The following OTOGL variants were observed in gnomAD, a reference collection of about 807,000 sequenced individuals.
OTOGL encodes otogelin-like protein.
OTOGL carries 285 observed loss-of-function variants against 318.5 expected under a neutral mutation model. The observed-to-expected ratio is 0.89, with a 90% CI of 0.81 to 0.99. OTOGL has a LOEUF of 0.99. OTOGL is among the 50% of genes least tolerant of loss of function. The probability of loss-of-function intolerance (pLI) is 0.00; values close to 1 mark genes in which losing one functional copy is unlikely to be tolerated. For synonymous variants in OTOGL, 987 were observed against 936.5 expected (o/e 1.05, Z -0.99); for missense variants, 2,899 against 2,845.6 (o/e 1.02, Z -0.43).
At chr12:80,293,103 T>G (rs1240034766) in intron 26 of OTOGL, among the ~76,000 whole-genome samples, 1 of 152,214 alleles carries the variant, frequency 6.6e-6, no homozygotes, top group East Asian at 1.9e-4. Context: ...CTAAAACCTT[T>G]ACTCTTTGGT....
chr12:80,337,568 C>T (rs1888494158), intron 42 of OTOGL, among the ~76,000 whole-genome samples: 1 of 151,696 alleles, frequency 6.6e-6, no homozygotes, highest in Admixed American at 6.6e-5. Context: ...TGAAAGGAGC[C>T]TTTTGGTTTT....
Position 80,375,388 on chromosome 12 carries a change from C to G in OTOGL, c.6782-1735C>G, listed in dbSNP as rs561168380. Among the ~76,000 whole-genome samples, 5 of 152,214 alleles carry G rather than the reference C, an allele frequency of 3.3e-5. No individual in the cohort carries two copies. The South Asian group carries it at 8.3e-4, about 25-fold the overall frequency. ...CAAACATCTTTTTAGCCACTGGGACCATAATAGTGAATGAAGCAATGTCTG... is the reference window on the plus strand; with the variant it reads ...CAAACATCTTTTTAGCCACTGGGACGATAATAGTGAATGAAGCAATGTCTG... On this transcript the variant is annotated intron_variant, in intron 57 of 58. Coordinates refer to ENST00000547103, the MANE Select transcript of OTOGL (RefSeq NM_001378609.3).
intron 9 of OTOGL, among the ~76,000 whole-genome samples, chr12:80,233,549 G>C (rs1350650279): frequency 6.6e-6 from 1 of 152,132 alleles, no homozygotes; most frequent in Non-Finnish European, 1.5e-5. Context: ...ACAAATAATA[G>C]TTTTGCAAAA....
At chr12:80,183,952 T>C (rs1875107920) in intron 1 of OTOGL, among the ~76,000 whole-genome samples, 1 of 152,224 alleles carries the variant, frequency 6.6e-6, no homozygotes, top group South Asian at 2.1e-4. Flanking sequence ...AATATCTGGA[T>C]GTGGGACTCT....
chr12:80,189,868 C>A (rs1317120185), intron 1 of OTOGL, among the ~76,000 whole-genome samples: 1 of 152,140 alleles, frequency 6.6e-6, no homozygotes, highest in Non-Finnish European at 1.5e-5. Context: ...CGGGAGGAAG[C>A]TCTGGAGGGA....
chr12:80,182,230 C>T (rs924511842), intron 1 of OTOGL, among the ~76,000 whole-genome samples: 3 of 152,042 alleles, frequency 2.0e-5, no homozygotes, highest in Non-Finnish European at 4.4e-5. Context: ...TATTCTTGCC[C>T]CTAAATGTTA....
chr12:80,100,038 C>T (rs995167293), intron 1 of OTOGL, among the ~76,000 whole-genome samples: 15 of 152,148 alleles, frequency 9.9e-5, no homozygotes, highest in Admixed American at 3.9e-4. Context: ...ACACATGGCT[C>T]CTGCCCATTT....
chr12:80,186,743 A>G (rs183224944), intron 1 of OTOGL, among the ~76,000 whole-genome samples: 1 of 152,056 alleles, frequency 6.6e-6, no homozygotes, highest in East Asian at 1.9e-4. Flanking sequence ...GTGTTATCCC[A>G]TGTAATAGAG....
chr12:80,161,049 A>G (rs959687501), intron 1 of OTOGL, among the ~76,000 whole-genome samples: 1 of 152,074 alleles, frequency 6.6e-6, no homozygotes, highest in African/African-American at 2.4e-5. Context: ...CAAAGGCATA[A>G]GAATGACATA....
chr12:80,172,103 T>G (rs888032411), intron 1 of OTOGL, among the ~76,000 whole-genome samples: 5 of 152,174 alleles, frequency 3.3e-5, no homozygotes, highest in African/African-American at 1.2e-4. Context: ...CTTTGCAATC[T>G]CATCTTTAAA....
At chr12:80,225,868 C>A (rs937033572) in intron 7 of OTOGL, among the ~76,000 whole-genome samples, 2 of 151,774 alleles carry the variant, frequency 1.3e-5, no homozygotes, top group East Asian at 3.9e-4. Flanking sequence ...CTTATCTATA[C>A]CCCCGACTAT....
intron 1 of OTOGL, among the ~76,000 whole-genome samples, chr12:80,142,680 G>A (rs1044872159): frequency 3.9e-5 from 6 of 152,088 alleles, no homozygotes; most frequent in Admixed American, 2.0e-4. Flanking sequence ...CCTTAACACT[G>A]CCTGTGTCTG....
chr12:80,320,815 T>C, intron 34 of OTOGL, 115 bp downstream of exon 34: 3 of 1,109,988 alleles, frequency 2.7e-6, no homozygotes, highest in Admixed American at 2.9e-5. Context: ...TAGACTTTTA[T>C]GACCTTAAGT....
chr12:80,182,111 C>T (rs1371404326), intron 1 of OTOGL, among the ~76,000 whole-genome samples: 6 of 152,090 alleles, frequency 3.9e-5, no homozygotes, highest in Non-Finnish European at 1.5e-5. Context: ...ATGATCACGC[C>T]ACTGCACTCC....
intron 2 of OTOGL, among the ~76,000 whole-genome samples, chr12:80,210,081 T>A (rs936648130): frequency 6.6e-6 from 1 of 152,096 alleles, no homozygotes; most frequent in Admixed American, 6.6e-5. Context: ...TATTTGATTT[T>A]TTTTATTATG....
intron 1 of OTOGL, among the ~76,000 whole-genome samples, chr12:80,124,828 G>T (rs1313707293): frequency 6.6e-6 from 1 of 151,998 alleles, no homozygotes; most frequent in Non-Finnish European, 1.5e-5. Flanking sequence ...CTCATGATTT[G>T]GCTCTCTGTT....
intron 11 of OTOGL, among the ~76,000 whole-genome samples, chr12:80,250,978 G>A (rs1881491854): frequency 6.6e-6 from 1 of 152,078 alleles, no homozygotes; most frequent in Non-Finnish European, 1.5e-5. Flanking sequence ...TTTAGTCTTG[G>A]CAATGTTATA....
At chr12:80,179,080 CT>C (rs569499149) in intron 1 of OTOGL, among the ~76,000 whole-genome samples, 71 of 151,102 alleles carry the variant, frequency 4.7e-4, no homozygotes, top group Non-Finnish European at 8.8e-4. Context: ...AGGAGACTGG[CT>C]TGGTTTTTAT....
At position 80,356,472 on chromosome 12, in the gene OTOGL, T is replaced by C. The variant is rs764926076; in HGVS notation, c.5863T>C (p.Leu1955=). ...SIPTCTNSQK[L]IVGHSPLSCC... is the part of the protein sequence containing the mutation. ...TCCAACATGTACAAATAGTCAAAAA[T>C]TGATTGTTGGCCACAGTCCTCTTTC... The change falls in exon 48 of 59, where the codon TTG becomes CTG. Residue 1955 remains leucine, a synonymous_variant. Transcript: ENST00000547103. The C allele has an allele frequency of 1.4e-5, 22 of 1,612,338 alleles. No individual in the cohort carries two copies. The highest frequency in any genetic ancestry group is 1.8e-5 in the Non-Finnish European group (21 of 1,179,280).
Sources: gnomAD v4.1 joint callset for allele counts (sites outside exome capture counted in the v4.1 genomes callset) on GRCh38, gnomAD v4.1.1 for gene constraint, MANE v1.5 for transcripts, NCBI Gene and HGNC (gene_info 2026-07-23, HGNC 2026-07-21) for gene names.